MIDN: variants seen among roughly 807,000 people sequenced by gnomAD.
MIDN encodes midbrain nucleolar protein.
MIDN carries 26 observed loss-of-function variants against 46.1 expected under a neutral mutation model. The observed-to-expected ratio is 0.56, with a 90% confidence interval of 0.41 to 0.78. The LOEUF (loss-of-function observed/expected upper bound fraction) is 0.78. Among genes scored for constraint, MIDN ranks in the 30% least tolerant of loss-of-function variants. MIDN has a pLI of 0.00. For missense variants in MIDN, 850 were observed against 771.8 expected (o/e 1.10, Z -1.20); for synonymous variants, 432 against 343.3 (o/e 1.26, Z -2.86).
In MIDN at chr19:1,256,982, A is replaced by G. The variant is rs1168141923; in HGVS notation, c.1259-13A>G. On this transcript the variant is annotated splice_polypyrimidine_tract_variant and intron_variant, in intron 8 of 8. Transcript: ENST00000682408. ...GAGGCTTTGGGAGTCACAGGCCACT[A>G]CCTCCTTTGCAGGGGACCGGCTTCG... The G allele has an allele frequency of 1.2e-6, 2 of 1,606,200 alleles. No individual in the cohort carries two copies. The highest frequency in any genetic ancestry group is 3.3e-5 in the Admixed American group (2 of 59,924).
Position 1,250,613 on chromosome 19 carries a change from C to T in MIDN, c.233+84C>T, listed in dbSNP as rs902187050. On this transcript the variant is annotated intron_variant, in intron 2 of 8. Coordinates refer to ENST00000682408, the MANE Select transcript of MIDN (RefSeq NM_001388306.1). ...CAAAGAGCGCGCCGCGCGGGGAAGG[C>T]AGGGGGCGGCCAGACAGGGGGCGGG... 6.0e-3 allele frequency: 4,419 copies of T among 742,266 alleles called. 13 individuals are homozygous for T. The highest frequency in any genetic ancestry group is 7.0e-3 in the Non-Finnish European group (4,067 of 581,662). The allele number at this position is 742,266 out of a possible 1,614,324, so 46.0% of individuals were successfully genotyped here.
chr19:1,251,688 G>T, intron 3 of MIDN, 39 bp downstream of exon 3: 1 of 1,575,340 alleles, frequency 6.3e-7, no homozygotes, highest in South Asian at 1.1e-5. Flanking sequence ...AGAGGCCCCC[G>T]CACACAGGCA....
At chr19:1,254,850 G>A in intron 6 of MIDN, 52 bp from the exon 7 acceptor site, 4 of 1,549,486 alleles carry the variant, frequency 2.6e-6, no homozygotes, top group Non-Finnish European at 3.5e-6. Context: ...CTGGGTTGCT[G>A]GTGATCCCCT....
At chr19:1,256,406 C>G (rs1045582776) in intron 8 of MIDN, among the ~76,000 whole-genome samples, 2 of 151,748 alleles carry the variant, frequency 1.3e-5, no homozygotes, top group Non-Finnish European at 2.9e-5. Context: ...TGGCGTGAAC[C>G]CAGAGGCGGA....
Position 1,257,392 on chromosome 19 carries a change from A to C in MIDN, c.*120A>C. On this transcript the variant is annotated 3_prime_UTR_variant, in exon 9 of 9. Coordinates refer to ENST00000682408, the MANE Select transcript of MIDN (RefSeq NM_001388306.1). ...GCAGGCGGCCACTCCCCCAGCCAGA[A>C]GTCTTTTTTTCTTTTCTTCTTTTTT... 1.4e-6 allele frequency: 1 copy of C among 739,068 alleles called. No homozygotes were observed. Among genetic ancestry groups the C allele is most frequent in the Non-Finnish European group, 2.3e-6 (1 of 442,686 alleles). The allele number at this position is 739,068 out of a possible 1,614,324, so 45.8% of individuals were successfully genotyped here. A position where few individuals can be genotyped will look rare whatever the true frequency, so the allele number is the denominator to read the frequency against.
rs2081191636 is a variant in MIDN at position 1,255,707 on chromosome 19, C to T, written c.1258+13C>T. ...TGCAAGCCCCCGGGTGAGTGGCCACCCTCGGGGGTCCTACCTTCCCCGCCC... is the reference window on the plus strand; with the variant it reads ...TGCAAGCCCCCGGGTGAGTGGCCACTCTCGGGGGTCCTACCTTCCCCGCCC... On this transcript the variant is annotated intron_variant, in intron 8 of 8. Transcript: ENST00000682408. 1.3e-6 allele frequency: 2 copies of T among 1,545,902 alleles called. No homozygotes were observed. Among genetic ancestry groups the T allele is most frequent in the Non-Finnish European group, 1.7e-6 (2 of 1,150,204 alleles).
chr19:1,253,298 T>C (rs918097081), intron 4 of MIDN, among the ~76,000 whole-genome samples: 18 of 151,642 alleles, frequency 1.2e-4, no homozygotes, highest in Non-Finnish European at 2.4e-4. Flanking sequence ...TCCCTCCCCA[T>C]GGGCCCCAAG....
intron 2 of MIDN, among the ~76,000 whole-genome samples, chr19:1,250,968 T>C (rs1159323125): frequency 6.7e-6 from 1 of 149,628 alleles, no homozygotes; most frequent in Non-Finnish European, 1.5e-5. Context: ...CCCTCCCCCC[T>C]GGTATTTAAA....
intron 2 of MIDN, among the ~76,000 whole-genome samples, chr19:1,250,967 CT>C (rs2081119452): frequency 6.6e-6 from 1 of 152,092 alleles, no homozygotes; most frequent in East Asian, 1.9e-4. Flanking sequence ...CCCCTCCCCC[CT>C]GGTATTTAAA....
intron 2 of MIDN, among the ~76,000 whole-genome samples, chr19:1,250,997 C>T (rs1011121771): frequency 3.9e-5 from 6 of 152,100 alleles, no homozygotes; most frequent in African/African-American, 7.2e-5. Context: ...AGGCCCGGAG[C>T]CCTCCCCCCG....
At position 1,257,524 on chromosome 19, in the gene MIDN, T is replaced by TCCTCC. The variant is rs1333699224; in HGVS notation, c.*253_*257dup. On this transcript the variant is annotated 3_prime_UTR_variant, in exon 9 of 9. Transcript: ENST00000682408. ...TTCACTCCTGCCCTCCTCTTCCTCC[T>TCCTCC]CCTCCTCCTCCTCCGTCTGTCTCCT... is the stretch of plus-strand genomic sequence containing the variant. The TCCTCC allele has an allele frequency of 4.5e-6, 2 of 444,656 alleles. No individual in the cohort carries two copies. The highest frequency in any genetic ancestry group is 7.9e-6 in the Non-Finnish European group (2 of 252,978). 27.5% of individuals were successfully genotyped at this position (444,656 alleles called of 1,614,324 possible).
At chr19:1,253,423 C>G (rs544620617) in intron 4 of MIDN, among the ~76,000 whole-genome samples, 4 of 36,248 alleles carry the variant, frequency 1.1e-4, no homozygotes, top group African/African-American at 5.8e-4. Flanking sequence ...CCTCCGCCAC[C>G]CCCCCCCCCA....
chr19:1,257,432 T>C lies in MIDN; in HGVS notation c.*160T>C. 1.6e-6 allele frequency: 1 copy of C among 619,994 alleles called. No individual in the cohort carries two copies. Among genetic ancestry groups the C allele is most frequent in the Non-Finnish European group, 2.8e-6 (1 of 359,200 alleles). The allele number at this position is 619,994 out of a possible 1,614,324, so 38.4% of individuals were successfully genotyped here. On this transcript the variant is annotated 3_prime_UTR_variant, in exon 9 of 9. Transcript: ENST00000682408. ...TCTTCTTTTTTATTATTTTTTTCTT[T>C]TTTTAAAAAGTTCTGACCGTGGTTT...
rs1378776847 is a variant in MIDN at position 1,257,487 on chromosome 19, C to T, written c.*215C>T. The stretch of plus-strand genomic sequence containing the variant: ...GACTCTTCATGGGCTTTGCTTCCTA[C>T]CTCCTTCACCCTTCACTCCTGCCCT... On this transcript the variant is annotated 3_prime_UTR_variant, in exon 9 of 9. Coordinates refer to ENST00000682408, the MANE Select transcript of MIDN (RefSeq NM_001388306.1). 3 of 520,786 alleles carry T rather than the reference C, an allele frequency of 5.8e-6. No homozygotes were observed. The highest frequency in any genetic ancestry group is 4.1e-5 in the African/African-American group (2 of 49,276). The allele number at this position is 520,786 out of a possible 1,614,324, so 32.3% of individuals were successfully genotyped here.
chr19:1,253,966 C>CCCGGG lies in MIDN; in HGVS notation c.409_413dup (p.Gly140LeufsTer45). 4.3e-6 allele frequency: 6 copies of CCCGGG among 1,393,346 alleles called. No homozygotes were observed. The highest frequency in any genetic ancestry group is 1.6e-5 in the South Asian group (1 of 63,348). The allele number at this position is 1,393,346 out of a possible 1,614,324, so 86.3% of individuals were successfully genotyped here. On this transcript the variant is annotated frameshift_variant, in exon 5 of 9. Transcript: ENST00000682408. LOFTEE classifies it high-confidence loss of function. ...TCTGTCCCCACAGCCCCCAGCGGCG[C>CCCGGG]CCGGGCCGGGCCGGGCTGGCGGAGG...
chr19:1,252,560 C>G (rs1417320452), intron 4 of MIDN, among the ~76,000 whole-genome samples: 1 of 145,328 alleles, frequency 6.9e-6, no homozygotes, highest in Non-Finnish European at 1.5e-5. Flanking sequence ...TTTTTTTTTT[C>G]TCCTTCTTTC....
Position 1,251,879 on chromosome 19 carries a change from T to TCGA in MIDN, c.363_365dup (p.Leu121_Glu122insAsp), listed in dbSNP as rs1433281071. ...CCGGAACAGTCCGTGATGCAAGCTCTCGAGAGTCTCACGGAGACGCAGGTA... is the reference window on the plus strand; with the variant it reads ...CCGGAACAGTCCGTGATGCAAGCTCTCGACGAGAGTCTCACGGAGACGCAGGTA... On this transcript the variant is annotated inframe_insertion, in exon 4 of 9. Coordinates refer to ENST00000682408, the MANE Select transcript of MIDN (RefSeq NM_001388306.1). 1 of 1,613,312 alleles carries TCGA rather than the reference T, an allele frequency of 6.2e-7. No homozygotes were observed. The highest frequency in any genetic ancestry group is 8.5e-7 in the Non-Finnish European group (1 of 1,179,764).
chr19:1,254,861 G>C (rs1300629683), intron 6 of MIDN, 41 bp from the exon 7 acceptor site: 1 of 1,566,404 alleles, frequency 6.4e-7, no homozygotes. Flanking sequence ...GTGATCCCCT[G>C]ATCCTGGACC....
Position 1,258,351 on chromosome 19 carries a change from A to G in MIDN, c.*1079A>G, listed in dbSNP as rs1833213673. On this transcript the variant is annotated 3_prime_UTR_variant, in exon 9 of 9. Coordinates refer to ENST00000682408, the MANE Select transcript of MIDN (RefSeq NM_001388306.1). Reference sequence around the variant, plus strand: ...TGAATCCCCTGGGCAGGGGGCGACAACTCCGTGTAGCATTAACCCCCGTGG... The same window carrying G: ...TGAATCCCCTGGGCAGGGGGCGACAGCTCCGTGTAGCATTAACCCCCGTGG... The G allele has an allele frequency of 6.6e-6, 1 of 152,132 alleles. No individual in the cohort carries two copies. Among genetic ancestry groups the G allele is most frequent in the South Asian group, 2.1e-4 (1 of 4,812 alleles). The allele number at this position is 152,132 out of a possible 1,614,324, so 9.4% of individuals were successfully genotyped here.
Sources: gnomAD v4.1 joint callset for allele counts (sites outside exome capture counted in the v4.1 genomes callset) on GRCh38, gnomAD v4.1.1 for gene constraint, MANE v1.5 for transcripts, NCBI Gene and HGNC (gene_info 2026-07-23, HGNC 2026-07-21) for gene names.